The following NRG3 variants were observed in gnomAD, a reference collection of about 807,000 sequenced individuals.
The protein encoded by NRG3 is neuregulin 3, also known as pro-neuregulin-3, membrane-bound isoform.
In NRG3, 31 loss-of-function variants were observed where a neutral mutation model predicts 66.9. That is an observed-to-expected ratio of 0.46 (90% CI 0.35 to 0.63). NRG3 has a LOEUF of 0.63. Among genes scored for constraint, NRG3 ranks in the 20% least tolerant of loss-of-function variants. The pLI is 0.00. For missense variants in NRG3, 910 were observed against 878.9 expected, an observed-to-expected ratio of 1.04 and a Z score of -0.45; for synonymous variants, 393 against 359.4, an observed-to-expected ratio of 1.09 and a Z score of -1.06.
intron 3 of NRG3, among the ~76,000 whole-genome samples, chr10:82,760,409 A>G (rs1035236127): frequency 2.0e-5 from 3 of 152,182 alleles, no homozygotes; most frequent in Admixed American, 1.3e-4. Flanking sequence ...AATGCAGCCA[A>G]AGAGAAAACA....
At position 81,928,629 on chromosome 10, in the gene NRG3, T is replaced by C. The variant is rs553477774; in HGVS notation, c.823+52466T>C. Among the ~76,000 whole-genome samples the C allele has an allele frequency of 2.6e-5, 4 of 152,246 alleles. No homozygotes were observed. In the South Asian group the frequency reaches 8.3e-4, roughly 32 times the overall value. On this transcript the variant is annotated intron_variant, in intron 1 of 8. Coordinates refer to ENST00000372141, the MANE Select transcript of NRG3 (RefSeq NM_001010848.4). ...GCCCTCCCTGCCCTACCCTTATGGG[T>C]ACATGGGTACATTCCATGCAGTAGC...
chr10:82,518,891 GC>G (rs1457493836), intron 2 of NRG3, among the ~76,000 whole-genome samples: 1 of 152,140 alleles, frequency 6.6e-6, no homozygotes, highest in Non-Finnish European at 1.5e-5. Context: ...AGAAATTAAT[GC>G]CTCTCATAAC....
chr10:82,205,212 C>T (rs931674137), intron 1 of NRG3, among the ~76,000 whole-genome samples: 2 of 152,172 alleles, frequency 1.3e-5, no homozygotes, highest in South Asian at 2.1e-4. Context: ...AAACATACTT[C>T]GTTCCCACTA....
At chr10:82,924,757 A>G (rs750982933) in intron 4 of NRG3, among the ~76,000 whole-genome samples, 5 of 152,092 alleles carry the variant, frequency 3.3e-5, no homozygotes, top group African/African-American at 4.8e-5. Context: ...CATGACAATG[A>G]TCCTCTGCAT....
chr10:82,479,177 C>T (rs1019611083), intron 2 of NRG3, among the ~76,000 whole-genome samples: 1 of 152,052 alleles, frequency 6.6e-6, no homozygotes, highest in Non-Finnish European at 1.5e-5. Context: ...CTGGTGCTGG[C>T]ACTTAAGAGC....
chr10:82,885,717 G>T (rs887531655), intron 4 of NRG3, among the ~76,000 whole-genome samples: 1 of 152,156 alleles, frequency 6.6e-6, no homozygotes, highest in African/African-American at 2.4e-5. Flanking sequence ...AAAGTTTACC[G>T]GATATCATTT....
At chr10:82,689,586 A>G (rs1316404008) in intron 2 of NRG3, among the ~76,000 whole-genome samples, 1 of 152,232 alleles carries the variant, frequency 6.6e-6, no homozygotes, top group African/African-American at 2.4e-5. Flanking sequence ...CCAAATCCTT[A>G]TAGCATAACA....
intron 2 of NRG3, among the ~76,000 whole-genome samples, chr10:82,618,510 A>C (rs1400325677): frequency 6.6e-6 from 1 of 152,162 alleles, no homozygotes; most frequent in African/African-American, 2.4e-5. Flanking sequence ...CCTGAGTCAA[A>C]CCAATTAAAC....
intron 1 of NRG3, among the ~76,000 whole-genome samples, chr10:82,111,407 A>C (rs2067380851): frequency 6.6e-6 from 1 of 152,120 alleles, no homozygotes; most frequent in Admixed American, 6.6e-5. Flanking sequence ...AATATTCTTA[A>C]TTGAGTTTGA....
chr10:82,419,404 T>C (rs2136223972), intron 2 of NRG3, among the ~76,000 whole-genome samples: 1 of 152,320 alleles, frequency 6.6e-6, no homozygotes. Context: ...ATCACTTGTC[T>C]AAAACAGTAA....
chr10:82,230,577 G>A (rs887803593), intron 1 of NRG3, among the ~76,000 whole-genome samples: 3 of 151,660 alleles, frequency 2.0e-5, no homozygotes, highest in Non-Finnish European at 2.9e-5. Flanking sequence ...CTAGTTGCCA[G>A]ATTCCTTTAA....
chr10:82,542,517 G>A (rs529092748), intron 2 of NRG3, among the ~76,000 whole-genome samples: 17 of 152,212 alleles, frequency 1.1e-4, no homozygotes, highest in African/African-American at 3.9e-4. Context: ...TCATTTCAAG[G>A]TAATATCCTG....
intron 1 of NRG3, among the ~76,000 whole-genome samples, chr10:82,024,799 G>A (rs1037870686): frequency 1.3e-5 from 2 of 152,228 alleles, no homozygotes; most frequent in South Asian, 2.1e-4. Context: ...TGATTCAACT[G>A]TGTTCAGGAG....
chr10:82,054,079 G>T (rs2063723837), intron 1 of NRG3, among the ~76,000 whole-genome samples: 1 of 152,178 alleles, frequency 6.6e-6, no homozygotes, highest in African/African-American at 2.4e-5. Flanking sequence ...GAGGCCTTAA[G>T]AGTGACAGTG....
chr10:82,618,731 A>C (rs2246666), intron 2 of NRG3, among the ~76,000 whole-genome samples: 7,962 of 152,142 alleles, frequency 0.052, 303 homozygotes, highest in Non-Finnish European at 0.079. Context: ...TATATTATGA[A>C]ATGTTAATTA....
intron 1 of NRG3, among the ~76,000 whole-genome samples, chr10:82,129,192 C>A (rs1047535957): frequency 1.3e-5 from 2 of 151,918 alleles, no homozygotes; most frequent in Non-Finnish European, 2.9e-5. Flanking sequence ...GGATTACAGG[C>A]ATAAGCCACT....
At position 82,572,561 on chromosome 10, in the gene NRG3, T is replaced by C. The variant is rs191195718; in HGVS notation, c.954-166016T>C. Among the ~76,000 whole-genome samples, 817 of 151,650 alleles carry C rather than the reference T, an allele frequency of 5.4e-3. 4 individuals are homozygous for C. Among genetic ancestry groups the C allele is most frequent in the Non-Finnish European group, 8.0e-3 (540 of 67,764 alleles). On this transcript the variant is annotated intron_variant, in intron 2 of 8. Coordinates refer to ENST00000372141, the MANE Select transcript of NRG3 (RefSeq NM_001010848.4). ...TTTATATGCTTTGAATTTAAAGCAC[T>C]CATTTAAAAGAAAAATTCAATCAGG... is the stretch of plus-strand genomic sequence containing the variant.
At chr10:82,145,045 T>C (rs887457306) in intron 1 of NRG3, among the ~76,000 whole-genome samples, 1 of 152,226 alleles carries the variant, frequency 6.6e-6, no homozygotes, top group African/African-American at 2.4e-5. Context: ...CCTGAAGGGA[T>C]ATACATGTAT....
chr10:82,712,898 T>C (rs959481670), intron 2 of NRG3, among the ~76,000 whole-genome samples: 2 of 151,802 alleles, frequency 1.3e-5, no homozygotes, highest in African/African-American at 4.8e-5. Context: ...GACAGACGGA[T>C]CAGTTGAGGT....
Sources: allele counts gnomAD v4.1 joint callset (sites outside exome capture counted in the v4.1 genomes callset), GRCh38; gene constraint gnomAD v4.1.1; transcripts MANE v1.5; gene names NCBI Gene and HGNC (gene_info 2026-07-23, HGNC 2026-07-21).